Variants in PLA2G4F observed in about 807,000 individuals in gnomAD.
The protein encoded by PLA2G4F is phospholipase A2 group IVF, also known as cytosolic phospholipase A2 zeta.
PLA2G4F carries 105 observed loss-of-function variants against 103.1 expected under a neutral mutation model. That is an observed-to-expected ratio of 1.02 (90% CI 0.87 to 1.20). The LOEUF (loss-of-function observed/expected upper bound fraction) is 1.20, where lower values mean the gene tolerates loss of function less well. Among genes scored for constraint, PLA2G4F ranks in the 50% most tolerant of loss-of-function variants. The pLI is 0.00. For missense variants in PLA2G4F, 1,155 were observed against 1,075.9 expected (o/e 1.07, Z -1.03); for synonymous variants, 468 against 441.1 (o/e 1.06, Z -0.76).
intron 5 of PLA2G4F, 60 bp downstream of exon 5, chr15:42,153,560 A>G (rs1416767042): frequency 6.9e-6 from 11 of 1,592,942 alleles, no homozygotes; most frequent in East Asian, 2.2e-5. Flanking sequence ...ACTGGCACCT[A>G]GGAGCTGCCC....
intron 15 of PLA2G4F, 25 bp from the exon 16 acceptor site, chr15:42,145,707 C>A: frequency 6.2e-7 from 1 of 1,613,732 alleles, no homozygotes; most frequent in Non-Finnish European, 8.5e-7. Context: ...AGGCCCCCAC[C>A]CCACGTCAGG....
At position 42,152,682 on chromosome 15, in the gene PLA2G4F, A is replaced by C; in HGVS notation, c.601+6T>G. On this transcript the variant is annotated splice_donor_region_variant and intron_variant, in intron 7 of 19. Transcript: ENST00000397272. ...CAAAAGACCCAAGGCCGCTGAGCAG[A>C]CTCACCGTACTCTTCCCGTGGGGCT... The C allele has an allele frequency of 6.4e-7, 1 of 1,554,586 alleles. No individual in the cohort carries two copies. The highest frequency in any genetic ancestry group is 8.7e-7 in the Non-Finnish European group (1 of 1,148,410).
chr15:42,154,838 CT>C (rs1167052542), intron 2 of PLA2G4F, among the ~76,000 whole-genome samples: 4 of 152,130 alleles, frequency 2.6e-5, no homozygotes, highest in Non-Finnish European at 5.9e-5. Context: ...CAGGGCGGCA[CT>C]CCCAGGCACA....
At chr15:42,150,889 A>T in intron 7 of PLA2G4F, 112 bp from the exon 8 acceptor site, 1 of 1,488,252 alleles carries the variant, frequency 6.7e-7, no homozygotes, top group Non-Finnish European at 8.9e-7. Flanking sequence ...CCCCTAGGAA[A>T]TGCCAGCTCT....
intron 13 of PLA2G4F, 83 bp from the exon 14 acceptor site, chr15:42,146,324 GGCGTGGTGTGCCCACAAGAGA>G: frequency 7.8e-7 from 1 of 1,289,360 alleles, no homozygotes; most frequent in Non-Finnish European, 1.1e-6. Context: ...CACCCTGCAA[GGCGTGGTGTGCCCACAAGAGA>G]GGCTTTGGGT....
chr15:42,147,623 T>C lies in PLA2G4F; in HGVS notation c.1196+3A>G. On this transcript the variant is annotated splice_donor_region_variant and intron_variant, in intron 12 of 19. Transcript: ENST00000397272. ...CCCTGTGCCCTGCCCCCACCTCACT[T>C]ACCAGGTAGACCCAGAGACCCCACT... 1.2e-6 allele frequency: 2 copies of C among 1,613,850 alleles called. No individual in the cohort carries two copies. The highest frequency in any genetic ancestry group is 2.2e-5 in the East Asian group (1 of 44,832).
chr15:42,147,395 G>T, intron 12 of PLA2G4F, 49 bp from the exon 13 acceptor site: 1 of 1,538,944 alleles, frequency 6.5e-7, no homozygotes, highest in Non-Finnish European at 8.9e-7. Context: ...GCACAGCCAC[G>T]GGAGAGAGGG....
At chr15:42,155,831 A>G (rs552528625) in intron 1 of PLA2G4F, among the ~76,000 whole-genome samples, 90 of 152,234 alleles carry the variant, frequency 5.9e-4, no homozygotes, top group African/African-American at 2.1e-3. Flanking sequence ...GACTCACTGA[A>G]CTAACGATGG....
At chr15:42,149,975 C>T in intron 10 of PLA2G4F, 127 bp from the exon 11 acceptor site, 1 of 1,532,152 alleles carries the variant, frequency 6.5e-7, no homozygotes, top group Non-Finnish European at 9.0e-7. Flanking sequence ...GCACCAGAAC[C>T]AGGGAGGGAA....
intron 16 of PLA2G4F, among the ~76,000 whole-genome samples, chr15:42,144,925 A>G (rs368274790): frequency 6.6e-6 from 1 of 152,238 alleles, no homozygotes; most frequent in African/African-American, 2.4e-5. Context: ...TACAGCTTCC[A>G]ATCAGAACTT....
chr15:42,146,096 ACCT>A, intron 14 of PLA2G4F, 28 bp downstream of exon 14: 1 of 1,606,072 alleles, frequency 6.2e-7, no homozygotes, highest in Non-Finnish European at 8.5e-7. Flanking sequence ...CACCTCCTCT[ACCT>A]CCTTCCTTCG....
At position 42,154,455 on chromosome 15, in the gene PLA2G4F, GA is replaced by G; in HGVS notation, c.187del (p.Ser63ProfsTer23). 6.3e-7 allele frequency: 1 copy of G among 1,582,698 alleles called. No homozygotes were observed. The highest frequency in any genetic ancestry group is 1.2e-5 in the South Asian group (1 of 86,716). ...ATNIRGTDLL[S>X]KADCYVQLWL... ...CAGTTGCACATAGCAGTCGGCTTTG[GA>G]CACTGCAGGTAGGACAGGGAGGGGC... is the stretch of plus-strand genomic sequence containing the variant. On this transcript the variant is annotated frameshift_variant and splice_region_variant, in exon 3 of 20. Coordinates refer to ENST00000397272, the MANE Select transcript of PLA2G4F (RefSeq NM_213600.4). LOFTEE classifies it high-confidence loss of function.
At chr15:42,151,201 G>T (rs1053409472) in intron 7 of PLA2G4F, 6 of 985,362 alleles carry the variant, frequency 6.1e-6, no homozygotes, top group African/African-American at 1.7e-5. Context: ...GAGAAAACCA[G>T]TAGGCTGCAA....
chr15:42,155,848 C>T (rs1200142528), intron 1 of PLA2G4F, among the ~76,000 whole-genome samples: 2 of 152,200 alleles, frequency 1.3e-5, no homozygotes, highest in Non-Finnish European at 2.9e-5. Flanking sequence ...ATGGCTGTCA[C>T]GCACCACACA....
At position 42,139,304 on chromosome 15, in the gene PLA2G4F, G is replaced by A. The variant is rs562000224; in HGVS notation, c.*2680C>T. ...TACCTACTCCTTGCCCTCTGCCTCA[G>A]GGTTATAGAACAGCTGTCTTTAGCT... is the stretch of plus-strand genomic sequence containing the variant. On this transcript the variant is annotated 3_prime_UTR_variant, in exon 20 of 20. Transcript: ENST00000397272. The A allele has an allele frequency of 6.5e-6, 1 of 154,146 alleles. No individual in the cohort carries two copies. Among genetic ancestry groups the A allele is most frequent in the African/African-American group, 2.4e-5 (1 of 41,626 alleles). 9.5% of individuals were successfully genotyped at this position (154,146 alleles called of 1,614,324 possible).
Position 42,149,041 on chromosome 15 carries a change from C to A in PLA2G4F, c.1059+672G>T, listed in dbSNP as rs148275310. The A allele has an allele frequency of 1.0e-4, 100 of 985,372 alleles. No homozygotes were observed. The East Asian group carries it at 0.01, about 103-fold the overall frequency. The allele number at this position is 985,372 out of a possible 1,614,324, so 61.0% of individuals were successfully genotyped here. A position where few individuals can be genotyped will look rare whatever the true frequency, so the allele number is the denominator to read the frequency against. ...AGCCTATTCCTGATCCCCTGTAAGTCCCTCTCTCAGCACGCCTTTCCTCCT... is the reference window on the plus strand; with the variant it reads ...AGCCTATTCCTGATCCCCTGTAAGTACCTCTCTCAGCACGCCTTTCCTCCT... On this transcript the variant is annotated intron_variant, in intron 11 of 19. Transcript: ENST00000397272.
chr15:42,155,776 A>T (rs1333546315), intron 1 of PLA2G4F, among the ~76,000 whole-genome samples, 187 bp from the exon 2 acceptor site: 1 of 151,962 alleles, frequency 6.6e-6, no homozygotes, highest in Admixed American at 6.5e-5. Context: ...ATGTGTCTGG[A>T]CCCTGGAACC....
In PLA2G4F at chr15:42,141,055, A is replaced by AGAGGCAAGAGCC; in HGVS notation, c.*917_*928dup. ...AAGACCCATTGGATGCATCTGGGAAAGAGGCAAGAGCCCAGGCGAGGCTCC... is the reference window on the plus strand; with the variant it reads ...AAGACCCATTGGATGCATCTGGGAAAGAGGCAAGAGCCGAGGCAAGAGCCCAGGCGAGGCTCC... On this transcript the variant is annotated 3_prime_UTR_variant, in exon 20 of 20. Transcript: ENST00000397272. The AGAGGCAAGAGCC allele has an allele frequency of 2.8e-6, 1 of 353,410 alleles. No individual in the cohort carries two copies. The highest frequency in any genetic ancestry group is 5.6e-6 in the Non-Finnish European group (1 of 177,502). 21.9% of individuals were successfully genotyped at this position (353,410 alleles called of 1,614,324 possible). A position where few individuals can be genotyped will look rare whatever the true frequency, so the allele number is the denominator to read the frequency against.
rs773107477 is a variant in PLA2G4F, at chr15:42,147,115, TTC to T, written c.1419+7_1419+8del. 6.2e-7 allele frequency: 1 copy of T among 1,610,046 alleles called. No homozygotes were observed. The highest frequency in any genetic ancestry group is 1.7e-5 in the Admixed American group (1 of 59,972). ...GAGCCTACGTATTTCCTTCTGGCTC[TTC>T]TCTCACCTCCTGGTACAGGAGATAC... On this transcript the variant is annotated splice_region_variant and intron_variant, in intron 13 of 19. Transcript: ENST00000397272.
Sources: allele counts gnomAD v4.1 joint callset (sites outside exome capture counted in the v4.1 genomes callset), GRCh38; gene constraint gnomAD v4.1.1; transcripts MANE v1.5; gene names NCBI Gene and HGNC (gene_info 2026-07-23, HGNC 2026-07-21).